The following NECAP2 variants were observed in gnomAD, a reference collection of about 807,000 sequenced individuals.
The protein encoded by NECAP2 is NECAP endocytosis associated 2.
In NECAP2, 38 loss-of-function variants were observed where a neutral mutation model predicts 37.8. The ratio of observed to expected loss-of-function variants is 1.01; its 90% confidence interval spans 0.78 to 1.32. The LOEUF (loss-of-function observed/expected upper bound fraction) is 1.32. NECAP2 is among the 40% of genes most tolerant of loss of function. The pLI is 0.00. For synonymous variants in NECAP2, 121 were observed against 127.7 expected (o/e 0.95, Z 0.35); for missense variants, 316 against 334.5 (o/e 0.94, Z 0.43).
At chr1:16,453,587 C>G (rs936760376) in intron 6 of NECAP2, among the ~76,000 whole-genome samples, 1 of 152,100 alleles carries the variant, frequency 6.6e-6, no homozygotes, top group Non-Finnish European at 1.5e-5. Flanking sequence ...CTCCTGGGTT[C>G]AAGTGATTCT....
intron 4 of NECAP2, among the ~76,000 whole-genome samples, chr1:16,448,754 A>T (rs990791688): frequency 6.6e-6 from 1 of 152,010 alleles, no homozygotes; most frequent in Non-Finnish European, 1.5e-5. Flanking sequence ...CTTAGTTCTC[A>T]TGTCATATAC....
chr1:16,440,753 G>A lies in NECAP2; in HGVS notation c.-9G>A, dbSNP rs2086676705. On this transcript the variant is annotated 5_prime_UTR_variant, in exon 1 of 8. Transcript: ENST00000337132. ...GTCGCCGGAAGTTCGGTGGGCTCCA[G>A]GCGTCGCGATGGAGGAGAGCGGGTA... 2 of 1,611,890 alleles carry A rather than the reference G, an allele frequency of 1.2e-6. No homozygotes were observed. Among genetic ancestry groups the A allele is most frequent in the Non-Finnish European group, 8.5e-7 (1 of 1,178,118 alleles).
At position 16,459,110 on chromosome 1, in the gene NECAP2, G is replaced by A. The variant is rs1351542089; in HGVS notation, c.*220G>A. 8.6e-6 allele frequency: 9 copies of A among 1,045,884 alleles called. No homozygotes were observed. The highest frequency in any genetic ancestry group is 1.6e-5 in the African/African-American group (1 of 61,824). 64.8% of individuals were successfully genotyped at this position (1,045,884 alleles called of 1,614,324 possible). A position where few individuals can be genotyped will look rare whatever the true frequency, so the allele number is the denominator to read the frequency against. On this transcript the variant is annotated 3_prime_UTR_variant, in exon 8 of 8. Transcript: ENST00000337132. ...TCAAGTATGCAACCAGAACACAGGA[G>A]AAGAAAAGCTCCAGGATCCCTGTCC... is the stretch of plus-strand genomic sequence containing the variant.
chr1:16,452,050 C>T, intron 6 of NECAP2, 35 bp downstream of exon 6: 1 of 1,519,750 alleles, frequency 6.6e-7, no homozygotes. Flanking sequence ...GCATCAGTAC[C>T]TGCCGGCTCC....
In NECAP2 at chr1:16,451,923, CA is replaced by C. The variant is rs772482855; in HGVS notation, c.576del (p.Thr196ProfsTer4). The C allele has an allele frequency of 1.2e-6, 2 of 1,613,942 alleles. No individual in the cohort carries two copies. Among genetic ancestry groups the C allele is most frequent in the South Asian group, 1.1e-5 (1 of 91,086 alleles). The part of the protein sequence containing the change: ...TGGLSLLPPP[P>X]GGKTSTLIPP... ...GGGCTGAGCCTGCTTCCCCCTCCCC[CA>C]GGGGGGAAAACCTCCACCCTGATCC... On this transcript the variant is annotated frameshift_variant, in exon 6 of 8. Coordinates refer to ENST00000337132, the MANE Select transcript of NECAP2 (RefSeq NM_018090.5). LOFTEE classifies it high-confidence loss of function.
At chr1:16,452,155 C>G (rs1376586757) in intron 6 of NECAP2, 140 bp downstream of exon 6, 5 of 896,382 alleles carry the variant, frequency 5.6e-6, no homozygotes, top group Non-Finnish European at 8.4e-6. Context: ...GGCGGGCACC[C>G]AAAGCTCATT....
At chr1:16,446,026 CG>C (rs1181813893) in intron 2 of NECAP2, among the ~76,000 whole-genome samples, 1 of 150,780 alleles carries the variant, frequency 6.6e-6, no homozygotes, top group Non-Finnish European at 1.5e-5. Flanking sequence ...CTGACCAACA[CG>C]GAGAAACCTT....
At chr1:16,448,979 G>A (rs745676576) in intron 4 of NECAP2, 114 bp from the exon 5 acceptor site, 13 of 667,714 alleles carry the variant, frequency 1.9e-5, no homozygotes, top group South Asian at 3.8e-5. Context: ...CCAGCACCCC[G>A]TCTCACTACG....
intron 7 of NECAP2, among the ~76,000 whole-genome samples, chr1:16,456,398 G>A (rs773711655): frequency 7.2e-5 from 11 of 152,164 alleles, no homozygotes; most frequent in Admixed American, 2.0e-4. Context: ...ACGTCTTTCC[G>A]TGGAGGTTTT....
rs373857354 is a variant in NECAP2 at position 16,448,096 on chromosome 1, G to C, written c.335G>C (p.Arg112Pro). The change falls in exon 4 of 8, where the codon CGA becomes CCA. Residue 112 changes from arginine to proline, a missense_variant. By Grantham distance (103) the Arg-to-Pro change is moderately radical. Coordinates refer to ENST00000337132, the MANE Select transcript of NECAP2 (RefSeq NM_018090.5). ...RAFIGIGFGD[R>P]GDAFDFNVAL... ...TTTATTGGAATTGGCTTCGGGGACCGAGGTGATGCCTTTGACTTCAATGTT... is the reference window on the plus strand; with the variant it reads ...TTTATTGGAATTGGCTTCGGGGACCCAGGTGATGCCTTTGACTTCAATGTT... 28 of 1,614,044 alleles carry C rather than the reference G, an allele frequency of 1.7e-5. No homozygotes were observed. The highest frequency in any genetic ancestry group is 2.4e-5 in the Non-Finnish European group (28 of 1,180,028).
intron 4 of NECAP2, among the ~76,000 whole-genome samples, chr1:16,448,540 C>T (rs2086795691): frequency 6.6e-6 from 1 of 152,196 alleles, no homozygotes; most frequent in South Asian, 2.1e-4. Flanking sequence ...TCCTCCTCCA[C>T]CATCTGCAGG....
chr1:16,452,069 C>T, intron 6 of NECAP2, 54 bp downstream of exon 6: 1 of 1,497,794 alleles, frequency 6.7e-7, no homozygotes, highest in African/African-American at 1.4e-5. Flanking sequence ...CCTCTTCTCC[C>T]TGGCAGCCAG....
Position 16,448,340 on chromosome 1 carries a change from C to A in NECAP2, c.380+199C>A. ...GCCTTCTCTTTTACCTGAGGCTCATCTCTACCATCCCAGCCTTCGGGCCTG... is the reference window on the plus strand; with the variant it reads ...GCCTTCTCTTTTACCTGAGGCTCATATCTACCATCCCAGCCTTCGGGCCTG... On this transcript the variant is annotated intron_variant, in intron 4 of 7. Transcript: ENST00000337132. 4 of 614,310 alleles carry A rather than the reference C, an allele frequency of 6.5e-6. No homozygotes were observed. In the South Asian group the frequency reaches 7.7e-5, roughly 12 times the overall value. 38.1% of individuals were successfully genotyped at this position (614,310 alleles called of 1,614,324 possible).
chr1:16,450,232 T>G (rs763974659), intron 5 of NECAP2: 10 of 437,310 alleles, frequency 2.3e-5, no homozygotes, highest in Non-Finnish European at 4.6e-6. Flanking sequence ...GAGCATCAGC[T>G]GAGGGCCAGG....
intron 5 of NECAP2, chr1:16,450,287 TG>T (rs1381680345): frequency 3.6e-4 from 134 of 374,444 alleles, no homozygotes; most frequent in Non-Finnish European, 5.8e-4. Context: ...TTTGTTTTGT[TG>T]TTTTTTTTTT....
At chr1:16,457,913 G>A (rs939879952) in intron 7 of NECAP2, among the ~76,000 whole-genome samples, 1 of 151,740 alleles carries the variant, frequency 6.6e-6, no homozygotes, top group Non-Finnish European at 1.5e-5. Context: ...GTTTTGCTAT[G>A]TTGCCCAGGC....
Position 16,456,909 on chromosome 1 carries a change from G to A in NECAP2, c.743+1016G>A, listed in dbSNP as rs183750039. ...TAGATACGGGGTTTTGCCATGTTGC[G>A]CAGGCTGGCCTTGAACTCCTGGGCT... On this transcript the variant is annotated intron_variant, in intron 7 of 7. Transcript: ENST00000337132. Among the ~76,000 whole-genome samples, 5 of 152,026 alleles carry A rather than the reference G, an allele frequency of 3.3e-5. No homozygotes were observed. In the East Asian group the frequency reaches 5.9e-4, roughly 18 times the overall value.
intron 1 of NECAP2, chr1:16,441,251 GA>G: frequency 5.2e-6 from 1 of 190,724 alleles, no homozygotes; most frequent in Non-Finnish European, 1.1e-5. Flanking sequence ...GAGAGGAGGG[GA>G]GGGAGCCCAG....
In NECAP2 at chr1:16,449,087, C is replaced by T. The variant is rs61769455; in HGVS notation, c.381-6C>T. On this transcript the variant is annotated splice_polypyrimidine_tract_variant and splice_region_variant and intron_variant, in intron 4 of 7. Transcript: ENST00000337132. The stretch of plus-strand genomic sequence containing the variant: ...CCTCACCTTTTTCCTCATGTTCTCT[C>T]CCCAGGTGGGTGAAACAGCAGTGTG... 32,723 of 1,604,964 alleles carry T rather than the reference C, an allele frequency of 0.02. 401 individuals are homozygous for T. The highest frequency in any genetic ancestry group is 0.023 in the Non-Finnish European group (27,383 of 1,173,690).
Sources: gnomAD v4.1 joint callset for allele counts (sites outside exome capture counted in the v4.1 genomes callset) on GRCh38, gnomAD v4.1.1 for gene constraint, MANE v1.5 for transcripts, NCBI Gene and HGNC (gene_info 2026-07-23, HGNC 2026-07-21) for gene names.